The following SPTBN1 variants were observed in gnomAD, a reference collection of about 807,000 sequenced individuals.
The protein encoded by SPTBN1 is spectrin beta chain, non-erythrocytic 1.
Under a neutral mutation model 266.4 loss-of-function variants are expected in SPTBN1, and 32 were observed. That is an observed-to-expected ratio of 0.12 (90% CI 0.09 to 0.16). SPTBN1 has a LOEUF of 0.16. Ranked by LOEUF, SPTBN1 falls within the 10% of genes least tolerant of loss-of-function variation. SPTBN1 has a pLI of 1.00. For synonymous variants in SPTBN1, 1,336 were observed against 1,162.2 expected (o/e 1.15, Z -3.04); for missense variants, 2,296 against 3,067.1 (o/e 0.75, Z 5.94).
chr2:54,633,574 T>A (rs1285180864), intron 17 of SPTBN1, among the ~76,000 whole-genome samples: 1 of 152,184 alleles, frequency 6.6e-6, no homozygotes, highest in Non-Finnish European at 1.5e-5. Flanking sequence ...AGGGGTTGGA[T>A]GCACTAGCAC....
intron 18 of SPTBN1, among the ~76,000 whole-genome samples, chr2:54,641,762 C>G (rs1185332073): frequency 6.6e-6 from 1 of 151,472 alleles, no homozygotes; most frequent in African/African-American, 2.4e-5. Context: ...CCAGAGGGCT[C>G]CTGTGACCCA....
intron 1 of SPTBN1, among the ~76,000 whole-genome samples, chr2:54,465,026 C>A (rs943969883): frequency 6.6e-6 from 1 of 151,998 alleles, no homozygotes; most frequent in African/African-American, 2.4e-5. Context: ...AAAAAGCAAT[C>A]AACACTTTAA....
intron 2 of SPTBN1, among the ~76,000 whole-genome samples, chr2:54,559,174 T>C (rs1673101135): frequency 6.6e-6 from 1 of 152,212 alleles, no homozygotes; most frequent in Non-Finnish European, 1.5e-5. Flanking sequence ...TACCTCCTAG[T>C]AGATCAGTGC....
chr2:54,655,760 C>T (rs1262984856), intron 28 of SPTBN1, among the ~76,000 whole-genome samples, 154 bp from the exon 29 acceptor site: 1 of 152,238 alleles, frequency 6.6e-6, no homozygotes, highest in African/African-American at 2.4e-5. Context: ...TTTCTTTCCT[C>T]TCCCAGTCCT....
At chr2:54,542,242 C>T (rs1340437129) in intron 2 of SPTBN1, among the ~76,000 whole-genome samples, 2 of 152,192 alleles carry the variant, frequency 1.3e-5, no homozygotes, top group East Asian at 3.9e-4. Context: ...GAGTTGTTGT[C>T]AGTAGATGAA....
chr2:54,461,667 C>T (rs1003688056), intron 1 of SPTBN1, among the ~76,000 whole-genome samples: 168 of 152,294 alleles, frequency 1.1e-3, no homozygotes, highest in African/African-American at 3.9e-3. Context: ...TTTTTATTTA[C>T]AATTTCTCTG....
intron 5 of SPTBN1, 88 bp downstream of exon 5, chr2:54,616,386 C>G (rs560258891): frequency 9.0e-7 from 1 of 1,108,000 alleles, no homozygotes; most frequent in Non-Finnish European, 1.3e-6. Flanking sequence ...TGACAGGTAT[C>G]TTTTCCACTG....
At chr2:54,568,512 C>A (rs1327602482) in intron 2 of SPTBN1, among the ~76,000 whole-genome samples, 5 of 151,902 alleles carry the variant, frequency 3.3e-5, no homozygotes, top group Admixed American at 3.3e-4. Context: ...TAAAAATAAT[C>A]TTGAGTATAA....
chr2:54,659,344 T>A, intron 31 of SPTBN1, 78 bp downstream of exon 31: 1 of 1,417,136 alleles, frequency 7.1e-7, no homozygotes, highest in Non-Finnish European at 1.0e-6. Context: ...TTCTGAAGCC[T>A]TGCATTGCTA....
At chr2:54,512,892 T>A (rs983143208) in intron 1 of SPTBN1, among the ~76,000 whole-genome samples, 1 of 152,198 alleles carries the variant, frequency 6.6e-6, no homozygotes, top group African/African-American at 2.4e-5. Context: ...TGCTGGTTAC[T>A]AATGGTTTAA....
intron 1 of SPTBN1, among the ~76,000 whole-genome samples, chr2:54,487,401 CAT>C (rs1553432440): frequency 1.1e-5 from 1 of 92,554 alleles, no homozygotes; most frequent in Non-Finnish European, 2.0e-5. Flanking sequence ...ATATGCATGA[CAT>C]ACTACTACTG....
At chr2:54,627,553 A>G (rs112174633) in intron 12 of SPTBN1, among the ~76,000 whole-genome samples, 19 of 152,154 alleles carry the variant, frequency 1.2e-4, no homozygotes, top group Non-Finnish European at 2.1e-4. Context: ...TTGTTTTCCC[A>G]TTGATTGTGT....
At chr2:54,557,075 C>T (rs1249149506) in intron 2 of SPTBN1, among the ~76,000 whole-genome samples, 2 of 152,202 alleles carry the variant, frequency 1.3e-5, no homozygotes, top group African/African-American at 4.8e-5. Context: ...CAGGTTGGGC[C>T]TGGCTTTCAA....
chr2:54,664,354 A>C lies in SPTBN1; in HGVS notation c.6421-99A>C. ...TTACTGTACTGCCTCGATCTGTGCC[A>C]GGCATTTATACACAGCCACATGTGC... is the stretch of plus-strand genomic sequence containing the variant. On this transcript the variant is annotated intron_variant, in intron 32 of 35. Coordinates refer to ENST00000356805, the MANE Select transcript of SPTBN1 (RefSeq NM_003128.3). This position sits in a 1 kb window ranked among gnomAD's most constrained non-coding sequence, Gnocchi z 5.6. The C allele has an allele frequency of 8.2e-7, 1 of 1,226,584 alleles. No individual in the cohort carries two copies. Among genetic ancestry groups the C allele is most frequent in the African/African-American group, 1.5e-5 (1 of 66,918 alleles). The allele number at this position is 1,226,584 out of a possible 1,614,324, so 76.0% of individuals were successfully genotyped here. A position where few individuals can be genotyped will look rare whatever the true frequency, so the allele number is the denominator to read the frequency against.
At chr2:54,614,433 G>C (rs1354137641) in intron 4 of SPTBN1, among the ~76,000 whole-genome samples, 2 of 152,024 alleles carry the variant, frequency 1.3e-5, no homozygotes, top group East Asian at 3.9e-4. Flanking sequence ...CCAGGATATG[G>C]CCTACCCTAT....
chr2:54,643,400 C>G (rs950124686), intron 19 of SPTBN1, among the ~76,000 whole-genome samples: 1 of 152,180 alleles, frequency 6.6e-6, no homozygotes, highest in Non-Finnish European at 1.5e-5. Flanking sequence ...CTCTCATCTG[C>G]TGTTGCTGAT....
chr2:54,568,129 C>G (rs1431150071), intron 2 of SPTBN1, among the ~76,000 whole-genome samples: 1 of 152,042 alleles, frequency 6.6e-6, no homozygotes. Flanking sequence ...CGCCTTAATC[C>G]CAGCACTTTG....
intron 2 of SPTBN1, among the ~76,000 whole-genome samples, chr2:54,542,824 G>A (rs1439449944): frequency 1.3e-5 from 2 of 152,212 alleles, no homozygotes; most frequent in Admixed American, 1.3e-4. Flanking sequence ...ATTTGGTTTG[G>A]GTTCTGTGAA....
intron 1 of SPTBN1, among the ~76,000 whole-genome samples, chr2:54,521,990 CTGGCTCGAG>C (rs1670469881): frequency 6.6e-6 from 1 of 151,500 alleles, no homozygotes; most frequent in South Asian, 2.1e-4. Context: ...CTCCACCTCC[CTGGCTCGAG>C]TGGTCCTCCT....
Sources: gnomAD v4.1 joint callset for allele counts (sites outside exome capture counted in the v4.1 genomes callset) on GRCh38, gnomAD v4.1.1 for gene constraint, Gnocchi (gnomAD v3.1) non-coding constraint, MANE v1.5 for transcripts, NCBI Gene and HGNC (gene_info 2026-07-23, HGNC 2026-07-21) for gene names.